The following HS6ST3 variants were observed in gnomAD, a reference collection of about 807,000 sequenced individuals.
HS6ST3 encodes the protein heparan sulfate 6-O-sulfotransferase 3, also known as heparan-sulfate 6-O-sulfotransferase 3.
A neutral mutation model predicts 36.7 loss-of-function variants in HS6ST3; 12 were observed. The ratio of observed to expected loss-of-function variants is 0.33; its 90% CI spans 0.21 to 0.53. HS6ST3 has a LOEUF of 0.53. Among genes scored for constraint, HS6ST3 ranks in the 20% least tolerant of loss-of-function variants. HS6ST3 has a pLI of 0.95. For synonymous variants in HS6ST3, 240 were observed against 257.5 expected (o/e 0.93, Z 0.65); for missense variants, 584 against 640.9 (o/e 0.91, Z 0.96).
chr13:96,124,625 A>G (rs987693483), intron 1 of HS6ST3, among the ~76,000 whole-genome samples: 1 of 152,142 alleles, frequency 6.6e-6, no homozygotes, highest in Non-Finnish European at 1.5e-5. Flanking sequence ...TTGGATTTCT[A>G]CTTTTGAGCC....
At chr13:96,613,475 T>C (rs1186432768) in intron 1 of HS6ST3, among the ~76,000 whole-genome samples, 2 of 152,230 alleles carry the variant, frequency 1.3e-5, no homozygotes, top group Admixed American at 6.5e-5. Context: ...GCTTCACTAC[T>C]TGCGTGGCAC....
intron 1 of HS6ST3, among the ~76,000 whole-genome samples, chr13:96,757,164 T>C (rs1271765901): frequency 6.6e-6 from 1 of 152,206 alleles, no homozygotes; most frequent in African/African-American, 2.4e-5. Context: ...CACTCCACAG[T>C]GAGTCTATAC....
chr13:96,326,548 G>T (rs1207978383), intron 1 of HS6ST3, among the ~76,000 whole-genome samples: 2 of 152,180 alleles, frequency 1.3e-5, no homozygotes, highest in East Asian at 3.9e-4. Context: ...TGGTGTATAT[G>T]TGCCACATTT....
intron 1 of HS6ST3, among the ~76,000 whole-genome samples, chr13:96,332,646 A>G (rs2055077504): frequency 6.6e-6 from 1 of 152,232 alleles, no homozygotes; most frequent in Admixed American, 6.5e-5. Context: ...GTACTGCTCA[A>G]TCTGTGAATC....
In HS6ST3 at chr13:96,091,527, T is replaced by C; in HGVS notation, c.665T>C (p.Ile222Thr). The C allele has an allele frequency of 6.3e-7, 1 of 1,592,408 alleles. No individual in the cohort carries two copies. Among genetic ancestry groups the C allele is most frequent in the Non-Finnish European group, 8.5e-7 (1 of 1,173,258 alleles). Residue 222 changes from isoleucine to threonine, a missense_variant, in exon 1 of 2, where the codon ATC (isoleucine) becomes ACC (threonine). Physicochemically the swap from Ile to Thr is moderately conservative, Grantham distance 89. Coordinates refer to ENST00000376705, the MANE Select transcript of HS6ST3 (RefSeq NM_153456.4). ...WTELTNCVPA[I>T]MEKKDCPRNH... ...GAGCTCACCAACTGCGTGCCGGCCATCATGGAGAAGAAGGACTGTCCCCGC... is the reference window on the plus strand; with the variant it reads ...GAGCTCACCAACTGCGTGCCGGCCACCATGGAGAAGAAGGACTGTCCCCGC...
At chr13:96,522,345 T>A (rs887159170) in intron 1 of HS6ST3, among the ~76,000 whole-genome samples, 7 of 152,016 alleles carry the variant, frequency 4.6e-5, no homozygotes, top group African/African-American at 1.7e-4. Context: ...GGGTGGGGAG[T>A]TCTGTAGATG....
intron 1 of HS6ST3, among the ~76,000 whole-genome samples, chr13:96,175,491 A>C (rs1406944927): frequency 6.6e-6 from 1 of 151,674 alleles, no homozygotes; most frequent in Non-Finnish European, 1.5e-5. Flanking sequence ...CAGCCCTGGG[A>C]AGTGATTGTT....
chr13:96,295,567 T>A (rs1200138884), intron 1 of HS6ST3, among the ~76,000 whole-genome samples: 1 of 152,104 alleles, frequency 6.6e-6, no homozygotes, highest in African/African-American at 2.4e-5. Flanking sequence ...GATCCAGGTG[T>A]TTCCCCATTG....
At chr13:96,686,283 A>G (rs1002225886) in intron 1 of HS6ST3, among the ~76,000 whole-genome samples, 2 of 152,006 alleles carry the variant, frequency 1.3e-5, no homozygotes, top group Non-Finnish European at 1.5e-5. Flanking sequence ...ATTTTTATTG[A>G]TGTGGAGACC....
intron 1 of HS6ST3, among the ~76,000 whole-genome samples, chr13:96,752,924 C>T (rs780846236): frequency 3.9e-5 from 6 of 152,086 alleles, no homozygotes; most frequent in Non-Finnish European, 7.4e-5. Context: ...ATATTTAACA[C>T]ATACAGAATT....
chr13:96,195,409 A>G (rs2054307341), intron 1 of HS6ST3, among the ~76,000 whole-genome samples: 1 of 152,240 alleles, frequency 6.6e-6, no homozygotes, highest in Non-Finnish European at 1.5e-5. Context: ...TATCCTTTCC[A>G]GAGCATCTTC....
At chr13:96,659,697 A>AT (rs1433873493) in intron 1 of HS6ST3, among the ~76,000 whole-genome samples, 2 of 151,992 alleles carry the variant, frequency 1.3e-5, no homozygotes, top group African/African-American at 2.4e-5. Context: ...GGCAATGTTC[A>AT]TTTTTTTGGT....
At chr13:96,422,610 G>A (rs1406189437) in intron 1 of HS6ST3, among the ~76,000 whole-genome samples, 1 of 152,170 alleles carries the variant, frequency 6.6e-6, no homozygotes, top group Non-Finnish European at 1.5e-5. Flanking sequence ...GTCTCCATGG[G>A]CATGATAATT....
At chr13:96,620,793 A>G (rs970532420) in intron 1 of HS6ST3, among the ~76,000 whole-genome samples, 2 of 150,392 alleles carry the variant, frequency 1.3e-5, no homozygotes, top group Non-Finnish European at 3.0e-5. Context: ...CCTGCTGGAA[A>G]TATAAGCCAT....
At chr13:96,525,819 A>T (rs1405663527) in intron 1 of HS6ST3, among the ~76,000 whole-genome samples, 1 of 152,224 alleles carries the variant, frequency 6.6e-6, no homozygotes, top group Non-Finnish European at 1.5e-5. Context: ...GTACGCTATG[A>T]TGTGGGCATT....
At chr13:96,221,901 C>G (rs1467080233) in intron 1 of HS6ST3, among the ~76,000 whole-genome samples, 1 of 152,104 alleles carries the variant, frequency 6.6e-6, no homozygotes, top group African/African-American at 2.4e-5. Flanking sequence ...ATTATATCTT[C>G]TATTTGAAAT....
intron 1 of HS6ST3, among the ~76,000 whole-genome samples, chr13:96,622,436 TCTGA>T (rs1286064393): frequency 2.0e-5 from 3 of 152,338 alleles, no homozygotes; most frequent in South Asian, 2.1e-4. Context: ...ACTTTCTCAG[TCTGA>T]CTAATTTTTA....
intron 1 of HS6ST3, among the ~76,000 whole-genome samples, chr13:96,093,866 A>C (rs1181038826): frequency 6.6e-6 from 1 of 152,174 alleles, no homozygotes; most frequent in Non-Finnish European, 1.5e-5. Context: ...AGCCTGGATA[A>C]TGGAGGGTAC....
intron 1 of HS6ST3, among the ~76,000 whole-genome samples, chr13:96,580,777 G>C (rs925603250): frequency 6.6e-6 from 1 of 151,912 alleles, no homozygotes; most frequent in African/African-American, 2.4e-5. Context: ...TAGAATTCAG[G>C]CTTCTCATCT....
Sources: allele counts gnomAD v4.1 joint callset (sites outside exome capture counted in the v4.1 genomes callset), GRCh38; gene constraint gnomAD v4.1.1; transcripts MANE v1.5; gene names NCBI Gene and HGNC (gene_info 2026-07-23, HGNC 2026-07-21).